The following ELF4 variants were observed in gnomAD, a reference collection of about 807,000 sequenced individuals.
ELF4 encodes E74 like ETS transcription factor 4.
In ELF4, 10 loss-of-function variants were observed where a neutral mutation model predicts 31.7. That is an observed-to-expected ratio of 0.32 (90% CI 0.19 to 0.54). The LOEUF (loss-of-function observed/expected upper bound fraction) is 0.54, where lower values mean the gene tolerates loss of function less well. Ranked by LOEUF, ELF4 falls within the 20% of genes least tolerant of loss-of-function variation. The probability of loss-of-function intolerance (pLI) is 0.95; values close to 1 mark genes in which losing one functional copy is unlikely to be tolerated. For missense variants in ELF4, 418 were observed against 522.0 expected (o/e 0.80, Z 1.94); for synonymous variants, 208 against 226.7 (o/e 0.92, Z 0.74).
chrX:130,102,537 G>T (rs1933280545), intron 1 of ELF4, among the ~76,000 whole-genome samples: 1 of 110,856 alleles, frequency 9.0e-6, no homozygotes, highest in South Asian at 3.8e-4. Flanking sequence ...AAAAAGGCTG[G>T]GTGCAGTGGC....
upstream of ELF4, among the ~76,000 whole-genome samples, chrX:130,111,076 C>T (rs1306191764): frequency 9.3e-6 from 1 of 107,178 alleles, no homozygotes; most frequent in Non-Finnish European, 2.0e-5. Context: ...CCGGCCCGCC[C>T]GCCGCGGTCG....
At chrX:130,097,930 C>A (rs1346373226) in intron 1 of ELF4, among the ~76,000 whole-genome samples, 2 of 112,673 alleles carry the variant, frequency 1.8e-5, no homozygotes, top group African/African-American at 6.4e-5. Flanking sequence ...CCCTCTCCTG[C>A]CATCTGGTCG....
At chrX:130,086,317 T>C (rs761842627) in intron 1 of ELF4, among the ~76,000 whole-genome samples, 8 of 112,284 alleles carry the variant, frequency 7.1e-5, no homozygotes, top group Middle Eastern at 4.6e-3. Flanking sequence ...GATTCCAGCA[T>C]AGGGTTTCTC....
chrX:130,082,622 C>T (rs1341545580), intron 1 of ELF4, among the ~76,000 whole-genome samples: 1 of 111,308 alleles, frequency 9.0e-6, no homozygotes, highest in East Asian at 2.8e-4. Context: ...TGCATTTGTT[C>T]CCCCTGTCGC....
At chrX:130,094,422 C>T (rs1451830451) in intron 1 of ELF4, among the ~76,000 whole-genome samples, 2 of 106,674 alleles carry the variant, frequency 1.9e-5, no homozygotes, top group African/African-American at 3.5e-5. Flanking sequence ...CAAAAATTAG[C>T]CATGCATGGT....
At chrX:130,108,400 GGAA>G in intron 1 of ELF4, among the ~76,000 whole-genome samples, 1 of 111,626 alleles carries the variant, frequency 9.0e-6, no homozygotes, top group East Asian at 2.8e-4. Flanking sequence ...GATGTGGAAA[GGAA>G]GAAGGCCAAG....
chrX:130,099,708 G>A (rs1313247978), intron 1 of ELF4, among the ~76,000 whole-genome samples: 2 of 110,216 alleles, frequency 1.8e-5, no homozygotes, highest in African/African-American at 6.6e-5. Flanking sequence ...GTGCTATCTC[G>A]GCTCACGGCA....
intron 1 of ELF4, among the ~76,000 whole-genome samples, chrX:130,103,906 G>C (rs1406311854): frequency 8.9e-6 from 1 of 112,099 alleles, no homozygotes; most frequent in Non-Finnish European, 1.9e-5. Context: ...GCCTCTGGAA[G>C]GGCACTGGCC....
In ELF4 at chrX:130,071,359, C is replaced by T. The variant is rs781193558; in HGVS notation, c.593G>A (p.Arg198Lys). 4.1e-6 allele frequency: 5 copies of T among 1,211,951 alleles called. No individual in the cohort carries two copies. Among genetic ancestry groups the T allele is most frequent in the African/African-American group, 3.5e-5 (2 of 57,845 alleles). Residue 198 changes from arginine (R) to lysine (K), a missense_variant, in exon 6 of 9, where the codon AGG becomes AAG. Transcript: ENST00000308167. ...SPVTDPSIPI[R>K]KKSKDGKGST... The stretch of plus-strand genomic sequence containing the variant: ...ACCTTTGCCATCCTTTGATTTCTTC[C>T]TAATGGGGATGCTGGGGTCAGTGAC...
chrX:130,066,382 GAT>G lies in ELF4; in HGVS notation c.*337_*338del, dbSNP rs1311130825. ...CCTGTGTAGGGAATGCAGCCAGTGA[GAT>G]AGAGCCAGGTAGAAGGGCTCTTCTC... On this transcript the variant is annotated 3_prime_UTR_variant, in exon 9 of 9. Transcript: ENST00000308167. 3.2e-6 allele frequency: 1 copy of G among 309,154 alleles called. No homozygotes were observed. The highest frequency in any genetic ancestry group is 5.7e-5 in the Admixed American group (1 of 17,691). 25.5% of individuals were successfully genotyped at this position (309,154 alleles called of 1,213,427 possible).
intron 1 of ELF4, among the ~76,000 whole-genome samples, chrX:130,097,864 G>A (rs1933178559): frequency 8.9e-6 from 1 of 112,921 alleles, no homozygotes; most frequent in Non-Finnish European, 1.9e-5. Context: ...CCGCTGGACA[G>A]GATGTTTCCA....
chrX:130,071,774 C>G, intron 5 of ELF4, among the ~76,000 whole-genome samples: 1 of 112,775 alleles, frequency 8.9e-6, no homozygotes, highest in African/African-American at 3.2e-5. Context: ...AAGGCAGTAT[C>G]AAGCAGCCAT....
chrX:130,097,470 G>A (rs773545789), intron 1 of ELF4, among the ~76,000 whole-genome samples: 2 of 111,272 alleles, frequency 1.8e-5, no homozygotes, highest in Non-Finnish European at 3.8e-5. Context: ...AAAAAGAAAG[G>A]AAAAAAAGCG....
Position 130,081,425 on chromosome X carries a change from C to T in ELF4, c.-95G>A. On this transcript the variant is annotated 5_prime_UTR_variant, in exon 2 of 9. Coordinates refer to ENST00000308167, the MANE Select transcript of ELF4 (RefSeq NM_001421.4). ...GGGACAATACCCAGGTACTTTGGAG[C>T]CTAGAGCCTACCCCCTGAGCTGCAG... The T allele has an allele frequency of 8.8e-6, 8 of 911,981 alleles. No individual in the cohort carries two copies. In the South Asian group the frequency reaches 1.4e-4, roughly 16 times the overall value. 75.2% of individuals were successfully genotyped at this position (911,981 alleles called of 1,213,427 possible).
At chrX:130,087,820 T>A (rs1196872518) in intron 1 of ELF4, among the ~76,000 whole-genome samples, 1 of 112,049 alleles carries the variant, frequency 8.9e-6, no homozygotes, top group African/African-American at 3.2e-5. Flanking sequence ...CTGTGGTAGT[T>A]CATTAAACAT....
Position 130,069,361 on chromosome X carries a change from T to C in ELF4, c.1126A>G (p.Thr376Ala), listed in dbSNP as rs772271887. 7 of 1,212,213 alleles carry C rather than the reference T, an allele frequency of 5.8e-6. No individual in the cohort carries two copies. Among genetic ancestry groups the C allele is most frequent in the Non-Finnish European group, 7.8e-6 (7 of 895,588 alleles). The change falls in exon 8 of 9, where the codon ACT becomes GCT. Residue 376 changes from threonine (T) to alanine (A), a missense_variant. By Grantham distance (58) the Thr-to-Ala change is moderately conservative. Around this residue, in one of 4 missense-constraint regions of ELF4, gnomAD observed 260 missense variants for 269.2 expected, o/e 0.97. Transcript: ENST00000308167. The part of the protein sequence containing the change: ...LGPSLDEEIP[T>A]TSTMLVSPAE... Reference sequence around the variant, plus strand: ...GGAGAGACGAGCATGGTGGAGGTAGTGGGGATCTCCTCGTCTAGCGACGGT... The same window carrying C: ...GGAGAGACGAGCATGGTGGAGGTAGCGGGGATCTCCTCGTCTAGCGACGGT...
chrX:130,102,059 T>C (rs1174597475), intron 1 of ELF4, among the ~76,000 whole-genome samples: 1 of 111,252 alleles, frequency 9.0e-6, no homozygotes, highest in African/African-American at 3.3e-5. Context: ...GGCAGGAGAA[T>C]TGCTTGAACC....
chrX:130,071,307 C>T, intron 6 of ELF4, 29 bp downstream of exon 6: 1 of 1,211,275 alleles, frequency 8.3e-7, no homozygotes, highest in Non-Finnish European at 1.1e-6. Context: ...GCTCCCTCCC[C>T]ACCTCACCTG....
chrX:130,082,647 G>C (rs941475832), intron 1 of ELF4, among the ~76,000 whole-genome samples: 1 of 111,343 alleles, frequency 9.0e-6, no homozygotes, highest in East Asian at 2.9e-4. Context: ...CCTCAGGGCT[G>C]TCAGTGCCCG....
Sources: gnomAD v4.1 joint callset for allele counts (sites outside exome capture counted in the v4.1 genomes callset) on GRCh38, gnomAD v4.1.1 for gene constraint, gnomAD v4.1.1 regional missense constraint, MANE v1.5 for transcripts, NCBI Gene and HGNC (gene_info 2026-07-23, HGNC 2026-07-21) for gene names.